Variants in CPPED1 observed in about 807,000 individuals in gnomAD.
CPPED1 encodes serine/threonine-protein phosphatase CPPED1.
CPPED1 carries 28 observed loss-of-function variants against 28.0 expected under a neutral mutation model. The ratio of observed to expected loss-of-function variants is 1.00; its 90% CI spans 0.74 to 1.37. The LOEUF (loss-of-function observed/expected upper bound fraction) is 1.37. CPPED1 is among the 40% of genes most tolerant of loss of function. The pLI is 0.00. For missense variants in CPPED1, 504 were observed against 416.5 expected, an observed-to-expected ratio of 1.21 and a Z score of -1.83; for synonymous variants, 198 against 180.2, an observed-to-expected ratio of 1.10 and a Z score of -0.79.
chr16:12,791,546 C>T (rs946111574), intron 1 of CPPED1, among the ~76,000 whole-genome samples: 1 of 152,124 alleles, frequency 6.6e-6, no homozygotes, highest in Non-Finnish European at 1.5e-5. Flanking sequence ...TGCATCATTC[C>T]ACGTCTACAA....
chr16:12,763,371 C>T lies in CPPED1; in HGVS notation c.289+17814G>A, dbSNP rs534670986. Among the ~76,000 whole-genome samples, 9 of 152,226 alleles carry T rather than the reference C, an allele frequency of 5.9e-5. No homozygotes were observed. The South Asian group carries it at 1.9e-3, about 32-fold the overall frequency. On this transcript the variant is annotated intron_variant, in intron 2 of 3. Transcript: ENST00000381774. ...CAGGCATGAGCCCACCATGGCTCGC[C>T]TTGGTAAAAATGTTTTAATACTGAT...
intron 1 of CPPED1, among the ~76,000 whole-genome samples, chr16:12,798,751 T>C (rs927827852): frequency 6.6e-6 from 1 of 152,238 alleles, no homozygotes; most frequent in African/African-American, 2.4e-5. Flanking sequence ...CCTTTTAGGA[T>C]TTCTTCAAAA....
chr16:12,750,901 G>C (rs2080323732), intron 2 of CPPED1, among the ~76,000 whole-genome samples: 1 of 152,078 alleles, frequency 6.6e-6, no homozygotes, highest in African/African-American at 2.4e-5. Flanking sequence ...TTGAGAGGTG[G>C]AGGTTGCAGC....
At chr16:12,691,824 AGGGG>A (rs376121866) in intron 3 of CPPED1, among the ~76,000 whole-genome samples, 1 of 41,826 alleles carries the variant, frequency 2.4e-5, no homozygotes, top group Non-Finnish European at 4.5e-5. Flanking sequence ...GGGTGGGGGG[AGGGG>A]GGGAGGGATA....
chr16:12,732,163 T>C (rs956141696), intron 2 of CPPED1, among the ~76,000 whole-genome samples: 3 of 151,056 alleles, frequency 2.0e-5, no homozygotes, highest in African/African-American at 4.9e-5. Flanking sequence ...AAAAAATCAT[T>C]AGCATTCTCA....
rs1222969155 is a variant in CPPED1, at chr16:12,660,551, A to G, written c.*4335T>C. ...TGTGTGTGTACTCATTAAAAAATACATAAGAGCTCCTCCATGGCTTGAGAA... is the reference window on the plus strand; with the variant it reads ...TGTGTGTGTACTCATTAAAAAATACGTAAGAGCTCCTCCATGGCTTGAGAA... On this transcript the variant is annotated 3_prime_UTR_variant, in exon 4 of 4. Transcript: ENST00000381774. 6.6e-6 allele frequency: 1 copy of G among 151,952 alleles called. No individual in the cohort carries two copies. The highest frequency in any genetic ancestry group is 1.5e-5 in the Non-Finnish European group (1 of 68,000). 9.4% of individuals were successfully genotyped at this position (151,952 alleles called of 1,614,324 possible). A position where few individuals can be genotyped will look rare whatever the true frequency, so the allele number is the denominator to read the frequency against.
intron 1 of CPPED1, among the ~76,000 whole-genome samples, chr16:12,794,421 A>T (rs960978569): frequency 2.0e-5 from 3 of 148,742 alleles, no homozygotes; most frequent in Non-Finnish European, 4.5e-5. Context: ...TGTTAAAGGA[A>T]AAAAAAAAAA....
chr16:12,710,171 T>C (rs551226037), intron 2 of CPPED1, among the ~76,000 whole-genome samples: 3 of 152,274 alleles, frequency 2.0e-5, no homozygotes, highest in East Asian at 3.9e-4. Flanking sequence ...TTAGCTTGGA[T>C]GCAAAGTAAA....
chr16:12,745,404 A>G (rs774511632), intron 2 of CPPED1, among the ~76,000 whole-genome samples: 5 of 152,220 alleles, frequency 3.3e-5, no homozygotes, highest in Non-Finnish European at 7.3e-5. Context: ...ACAATAGAAA[A>G]GACATGGAGT....
chr16:12,666,552 T>C (rs2079826957), intron 3 of CPPED1, among the ~76,000 whole-genome samples: 1 of 152,164 alleles, frequency 6.6e-6, no homozygotes, highest in Admixed American at 6.5e-5. Context: ...TTTGTCACAT[T>C]TGTCAATTTC....
At chr16:12,675,315 G>A (rs989365483) in intron 3 of CPPED1, among the ~76,000 whole-genome samples, 19 of 152,222 alleles carry the variant, frequency 1.2e-4, no homozygotes, top group Admixed American at 1.0e-3. Flanking sequence ...ATGAACTGCT[G>A]TAAGGAGATG....
intron 1 of CPPED1, among the ~76,000 whole-genome samples, chr16:12,801,792 T>C (rs1378859940): frequency 1.3e-5 from 2 of 152,148 alleles, no homozygotes; most frequent in Non-Finnish European, 2.9e-5. Flanking sequence ...AAGGGATTAC[T>C]TGGTGGGGGT....
chr16:12,707,442 C>T (rs905728241), intron 2 of CPPED1, among the ~76,000 whole-genome samples: 15 of 152,268 alleles, frequency 9.9e-5, no homozygotes, highest in African/African-American at 3.6e-4. Flanking sequence ...CTACAGTGTC[C>T]TGGTCACAAA....
intron 2 of CPPED1, among the ~76,000 whole-genome samples, chr16:12,765,551 T>G (rs2080433496): frequency 6.6e-6 from 1 of 152,246 alleles, no homozygotes; most frequent in Non-Finnish European, 1.5e-5. Context: ...AAGTGAAATT[T>G]GTTACATTGC....
At chr16:12,692,486 C>T (rs1160300345) in intron 3 of CPPED1, among the ~76,000 whole-genome samples, 1 of 152,192 alleles carries the variant, frequency 6.6e-6, no homozygotes, top group East Asian at 1.9e-4. Context: ...AGGAGCCAGA[C>T]ACTGTCTCAA....
At chr16:12,757,422 G>C (rs551610512) in intron 2 of CPPED1, 2 of 151,706 alleles carry the variant, frequency 1.3e-5, no homozygotes, top group Non-Finnish European at 2.9e-5. Flanking sequence ...TACTTACATG[G>C]GGAAAATAAA....
chr16:12,741,300 CTTT>C (rs11322298), intron 2 of CPPED1, among the ~76,000 whole-genome samples: 14 of 128,658 alleles, frequency 1.1e-4, no homozygotes, highest in Admixed American at 2.5e-4. Flanking sequence ...TCTGGCTGCC[CTTT>C]TTTTTTTTTT....
At chr16:12,704,500 T>C in intron 3 of CPPED1, 124 bp downstream of exon 3, 1 of 995,290 alleles carries the variant, frequency 1.0e-6, no homozygotes, top group South Asian at 1.6e-5. Flanking sequence ...AGAGCTGGTA[T>C]CAGAACTCCC....
chr16:12,669,448 T>A (rs544186518), intron 3 of CPPED1, among the ~76,000 whole-genome samples: 1 of 152,220 alleles, frequency 6.6e-6, no homozygotes, highest in South Asian at 2.1e-4. Context: ...ACGACTAAAT[T>A]TGATACTTCA....
Sources: allele counts gnomAD v4.1 joint callset (sites outside exome capture counted in the v4.1 genomes callset), GRCh38; gene constraint gnomAD v4.1.1; transcripts MANE v1.5; gene names NCBI Gene and HGNC (gene_info 2026-07-23, HGNC 2026-07-21).